Variants in ST18 observed in about 807,000 individuals in gnomAD.
ST18 encodes the protein ST18 C2H2C-type zinc finger transcription factor.
ST18 carries 50 observed loss-of-function variants against 110.0 expected under a neutral mutation model. The ratio of observed to expected loss-of-function variants is 0.45; its 90% confidence interval spans 0.36 to 0.58. The LOEUF (loss-of-function observed/expected upper bound fraction) is 0.58, where lower values mean the gene tolerates loss of function less well. Among genes scored for constraint, ST18 ranks in the 20% least tolerant of loss-of-function variants. The pLI, the probability that ST18 is intolerant of heterozygous loss-of-function variation, is 0.00. For missense variants in ST18, 1,306 were observed against 1,280.1 expected (o/e 1.02, Z -0.31); for synonymous variants, 461 against 452.4 (o/e 1.02, Z -0.24).
chr8:52,117,780 A>T (rs1274056807), intron 24 of ST18, among the ~76,000 whole-genome samples: 1 of 152,194 alleles, frequency 6.6e-6, no homozygotes, highest in Non-Finnish European at 1.5e-5. Flanking sequence ...TTGTTGCAAG[A>T]GAGTTATGAT....
At chr8:52,372,559 G>T (rs1056814731) in intron 2 of ST18, among the ~76,000 whole-genome samples, 3 of 152,198 alleles carry the variant, frequency 2.0e-5, no homozygotes, top group Non-Finnish European at 4.4e-5. Flanking sequence ...TCCATTCACG[G>T]TAAGTGCCCT....
chr8:52,393,937 A>C (rs1778650538), intron 2 of ST18: 1 of 152,136 alleles, frequency 6.6e-6, no homozygotes, highest in South Asian at 2.1e-4. Flanking sequence ...TCTTTATATA[A>C]GGCACACCTC....
chr8:52,358,517 T>C (rs1273496992), intron 2 of ST18, among the ~76,000 whole-genome samples: 1 of 152,010 alleles, frequency 6.6e-6, no homozygotes, highest in Non-Finnish European at 1.5e-5. Flanking sequence ...AGTGGAACTA[T>C]TGCTACTAAC....
At chr8:52,383,694 G>A (rs910176288) in intron 2 of ST18, among the ~76,000 whole-genome samples, 12 of 152,098 alleles carry the variant, frequency 7.9e-5, no homozygotes, top group South Asian at 2.1e-4. Context: ...TGATCCACCC[G>A]CCTTGGCTTC....
chr8:52,263,462 C>A (rs533276145), intron 2 of ST18, among the ~76,000 whole-genome samples: 3 of 152,286 alleles, frequency 2.0e-5, no homozygotes, highest in Admixed American at 2.0e-4. Context: ...TGGAGGACAT[C>A]AATTCTATCT....
intron 2 of ST18, among the ~76,000 whole-genome samples, chr8:52,231,676 C>T (rs764918253): frequency 2.6e-5 from 4 of 152,144 alleles, no homozygotes; most frequent in Admixed American, 6.5e-5. Flanking sequence ...GGGGTTTCAC[C>T]ATGTTGGCCA....
chr8:52,120,111 G>A (rs2044102698), intron 23 of ST18, among the ~76,000 whole-genome samples: 1 of 152,150 alleles, frequency 6.6e-6, no homozygotes, highest in African/African-American at 2.4e-5. Flanking sequence ...GAATTGTACT[G>A]CATCTTGGAG....
At chr8:52,158,404 G>A (rs191171425) in intron 15 of ST18, among the ~76,000 whole-genome samples, 16 of 152,300 alleles carry the variant, frequency 1.1e-4, no homozygotes, top group Non-Finnish European at 1.9e-4. Flanking sequence ...TGGCAACTTA[G>A]ACTATCTTAT....
At chr8:52,207,979 T>C (rs1465593676) in intron 8 of ST18, among the ~76,000 whole-genome samples, 1 of 151,958 alleles carries the variant, frequency 6.6e-6, no homozygotes, top group Non-Finnish European at 1.5e-5. Flanking sequence ...CACAGGTGAG[T>C]CTTCTCGACA....
chr8:52,258,640 T>C (rs571161315), intron 2 of ST18, among the ~76,000 whole-genome samples: 3 of 152,318 alleles, frequency 2.0e-5, no homozygotes, highest in African/African-American at 7.2e-5. Flanking sequence ...ATTTTCTAAA[T>C]ACAAATCTGT....
chr8:52,270,516 T>C (rs1182583472), intron 2 of ST18, among the ~76,000 whole-genome samples: 1 of 152,192 alleles, frequency 6.6e-6, no homozygotes, highest in East Asian at 1.9e-4. Flanking sequence ...ATGCCATGCT[T>C]TAGATCTTTA....
chr8:52,304,314 C>T (rs1187736196), intron 2 of ST18, among the ~76,000 whole-genome samples: 2 of 152,092 alleles, frequency 1.3e-5, no homozygotes, highest in Non-Finnish European at 2.9e-5. Flanking sequence ...TGAAAAAGAT[C>T]AGTGTGTGAG....
At chr8:52,346,160 A>T (rs191467799) in intron 2 of ST18, among the ~76,000 whole-genome samples, 3,270 of 151,082 alleles carry the variant, frequency 0.022, 125 homozygotes, top group African/African-American at 0.075. Flanking sequence ...CATATGTAAA[A>T]TTTATTTTAT....
intron 2 of ST18, among the ~76,000 whole-genome samples, chr8:52,261,295 T>C (rs1165458327): frequency 6.6e-6 from 1 of 152,160 alleles, no homozygotes; most frequent in African/African-American, 2.4e-5. Context: ...TCCCAGGAAA[T>C]GAGGCAAAGA....
At chr8:52,120,459 G>C (rs1488069561) in intron 23 of ST18, among the ~76,000 whole-genome samples, 1 of 152,168 alleles carries the variant, frequency 6.6e-6, no homozygotes, top group Admixed American at 6.5e-5. Context: ...GTTCTGGGAG[G>C]CCCTTCACTG....
intron 2 of ST18, among the ~76,000 whole-genome samples, chr8:52,351,546 C>A (rs1820351013): frequency 6.6e-6 from 1 of 152,202 alleles, no homozygotes; most frequent in African/African-American, 2.4e-5. Context: ...ATAACAGCAT[C>A]TTTTCTATTT....
chr8:52,269,679 T>C (rs1289991960), intron 2 of ST18, among the ~76,000 whole-genome samples: 1 of 152,164 alleles, frequency 6.6e-6, no homozygotes, highest in Admixed American at 6.5e-5. Flanking sequence ...CCCTTTTCTC[T>C]GCACTGCCAA....
rs140378002 is a variant in ST18 at position 52,268,333 on chromosome 8, G to A, written c.-464-38256C>T. On this transcript the variant is annotated intron_variant, in intron 2 of 25. Transcript: ENST00000689386. ...GACTCAACGGGTTTTAAAAGCTCGA[G>A]CATACCAAGGACACACATGAAGGAA... is the stretch of plus-strand genomic sequence containing the variant. Among the ~76,000 whole-genome samples the A allele has an allele frequency of 2.6e-5, 4 of 152,280 alleles. No homozygotes were observed. In the East Asian group the frequency reaches 7.7e-4, roughly 29 times the overall value.
At chr8:52,139,550 T>G (rs867826077) in intron 17 of ST18, among the ~76,000 whole-genome samples, 1 of 152,104 alleles carries the variant, frequency 6.6e-6, no homozygotes, top group Admixed American at 6.5e-5. Context: ...GAGACGGGGT[T>G]TCACCATTTT....
Sources: allele counts gnomAD v4.1 joint callset (sites outside exome capture counted in the v4.1 genomes callset), GRCh38; gene constraint gnomAD v4.1.1; transcripts MANE v1.5; gene names NCBI Gene and HGNC (gene_info 2026-07-23, HGNC 2026-07-21).